Variants in EYS observed in about 807,000 individuals in gnomAD.
EYS encodes the protein protein eyes shut homolog.
Under a neutral mutation model 282.1 loss-of-function variants are expected in EYS, and 250 were observed. That is an observed-to-expected ratio of 0.89 (90% CI 0.80 to 0.98). The LOEUF is 0.98. Among genes scored for constraint, EYS ranks in the 50% least tolerant of loss-of-function variants. The pLI is 0.00. For synonymous variants in EYS, 1,355 were observed against 1,282.9 expected (o/e 1.06, Z -1.20); for missense variants, 4,016 against 3,709.0 (o/e 1.08, Z -2.15).
chr6:64,667,834 CAGGTAGAGGAGTGAA>C (rs1308816801), intron 22 of EYS, among the ~76,000 whole-genome samples: 1 of 151,996 alleles, frequency 6.6e-6, no homozygotes, highest in Non-Finnish European at 1.5e-5. Context: ...GCTCTACAAG[CAGGTAGAGGAGTGAA>C]AGGACTCCAT....
chr6:64,299,821 G>A (rs1162917583), intron 30 of EYS, among the ~76,000 whole-genome samples: 1 of 152,154 alleles, frequency 6.6e-6, no homozygotes, highest in African/African-American at 2.4e-5. Context: ...AACATCATCA[G>A]CAGTGGGTCC....
chr6:64,115,607 G>C (rs555055398), intron 31 of EYS, among the ~76,000 whole-genome samples: 8 of 152,266 alleles, frequency 5.3e-5, no homozygotes, highest in Admixed American at 3.3e-4. Flanking sequence ...GAACTGCATA[G>C]AGTCTTTACA....
At chr6:65,098,598 C>T (rs1267821737) in intron 12 of EYS, among the ~76,000 whole-genome samples, 2 of 150,576 alleles carry the variant, frequency 1.3e-5, no homozygotes, top group Non-Finnish European at 3.0e-5. Flanking sequence ...AAGCTAAATG[C>T]CAGTTTTGAC....
chr6:64,331,803 G>T (rs943169406), intron 29 of EYS, among the ~76,000 whole-genome samples: 1 of 152,182 alleles, frequency 6.6e-6, no homozygotes, highest in East Asian at 1.9e-4. Flanking sequence ...GAGCTACACC[G>T]TGTGAAAACC....
chr6:64,776,734 G>T (rs1220303075), intron 22 of EYS, among the ~76,000 whole-genome samples: 4 of 152,066 alleles, frequency 2.6e-5, no homozygotes, highest in African/African-American at 9.7e-5. Flanking sequence ...CTTAGGGAAT[G>T]AATAACACTT....
rs901746105 is a variant in EYS, at chr6:63,720,951, C to G, written c.9080G>C (p.Arg3027Thr). Residue 3027 changes from arginine (R) to threonine (T), a missense_variant, in exon 43 of 43, where the codon AGA (arginine) becomes ACA (threonine). Arg to Thr is a moderately conservative substitution (Grantham distance 71, BLOSUM62 -1). Transcript: ENST00000503581. ...TLKIAVNLGE[R>T]ISVPMSYNNG... ...GTTATAGCTCATAGGCACAGAGATT[C>G]TTTCTCCCAAGTTAACTGCTATTTT... 2.6e-6 allele frequency: 4 copies of G among 1,551,330 alleles called. No homozygotes were observed. The highest frequency in any genetic ancestry group is 3.5e-6 in the Non-Finnish European group (4 of 1,146,786).
intron 41 of EYS, among the ~76,000 whole-genome samples, chr6:63,756,530 G>A (rs1279136038): frequency 6.6e-6 from 1 of 152,092 alleles, no homozygotes; most frequent in Non-Finnish European, 1.5e-5. Flanking sequence ...TAGTTTGCCA[G>A]TATTTTATTG....
At chr6:65,465,998 CAAT>C (rs1205610472) in intron 5 of EYS, among the ~76,000 whole-genome samples, 55 of 136,356 alleles carry the variant, frequency 4.0e-4, no homozygotes, top group Middle Eastern at 8.1e-3. Flanking sequence ...ATCAATCAAT[CAAT>C]AATAAATAAG....
At chr6:64,238,883 C>G (rs1444164267) in intron 30 of EYS, among the ~76,000 whole-genome samples, 1 of 152,134 alleles carries the variant, frequency 6.6e-6, no homozygotes, top group Non-Finnish European at 1.5e-5. Context: ...GGCATTTCTC[C>G]TAATGCTATC....
At chr6:64,436,137 T>A (rs1163182104) in intron 28 of EYS, 37 bp downstream of exon 28, 1 of 1,278,792 alleles carries the variant, frequency 7.8e-7, no homozygotes, top group African/African-American at 1.5e-5. Context: ...CCTTTGCTAC[T>A]TAATGAGATT....
intron 10 of EYS, among the ~76,000 whole-genome samples, chr6:65,339,313 A>G (rs985939084): frequency 7.3e-5 from 11 of 151,184 alleles, no homozygotes; most frequent in African/African-American, 2.7e-4. Flanking sequence ...GCGAACTTGA[A>G]CTAATAAAAA....
intron 14 of EYS, among the ~76,000 whole-genome samples, chr6:64,959,437 T>C (rs1345760523): frequency 6.6e-6 from 1 of 152,182 alleles, no homozygotes; most frequent in African/African-American, 2.4e-5. Context: ...GGAATGAAGG[T>C]TCTGTTGTCA....
chr6:65,434,722 C>A (rs1407623684), intron 5 of EYS, among the ~76,000 whole-genome samples: 1 of 152,112 alleles, frequency 6.6e-6, no homozygotes, highest in East Asian at 1.9e-4. Flanking sequence ...CATACTTCTT[C>A]TCCTGAAAGA....
At chr6:64,824,664 G>A (rs1039686859) in intron 19 of EYS, among the ~76,000 whole-genome samples, 1 of 151,816 alleles carries the variant, frequency 6.6e-6, no homozygotes, top group African/African-American at 2.4e-5. Context: ...ACAAAAGTGT[G>A]GGGGCAGGGA....
At chr6:65,451,327 C>T (rs1764389248) in intron 5 of EYS, among the ~76,000 whole-genome samples, 1 of 151,788 alleles carries the variant, frequency 6.6e-6, no homozygotes, top group Admixed American at 6.6e-5. Flanking sequence ...TTATTTACAC[C>T]CCTCACACAC....
intron 35 of EYS, among the ~76,000 whole-genome samples, chr6:63,898,690 A>G (rs970270621): frequency 6.6e-6 from 1 of 152,140 alleles, no homozygotes; most frequent in Non-Finnish European, 1.5e-5. Context: ...TCAAGGAAAG[A>G]TTACTAATAT....
intron 35 of EYS, among the ~76,000 whole-genome samples, chr6:63,879,778 A>T (rs976792597): frequency 2.6e-5 from 4 of 152,086 alleles, no homozygotes; most frequent in African/African-American, 9.7e-5. Flanking sequence ...GTTATTGTTG[A>T]TGATGATGAT....
At chr6:65,224,936 A>G (rs995866418) in intron 12 of EYS, among the ~76,000 whole-genome samples, 17 of 152,106 alleles carry the variant, frequency 1.1e-4, no homozygotes, top group Non-Finnish European at 1.9e-4. Context: ...CCTCCCCAAA[A>G]AGAAAACACA....
intron 29 of EYS, among the ~76,000 whole-genome samples, chr6:64,337,151 A>G (rs556654153): frequency 3.9e-5 from 6 of 152,028 alleles, no homozygotes; most frequent in Admixed American, 3.9e-4. Context: ...TGAAATTGAA[A>G]CAACAACAAC....
Sources: gnomAD v4.1 joint callset for allele counts (sites outside exome capture counted in the v4.1 genomes callset) on GRCh38, gnomAD v4.1.1 for gene constraint, MANE v1.5 for transcripts, NCBI Gene and HGNC (gene_info 2026-07-23, HGNC 2026-07-21) for gene names.